DNAJC27: variants seen among roughly 807,000 people sequenced by gnomAD.
The protein encoded by DNAJC27 is DnaJ heat shock protein family (Hsp40) member C27, also known as dnaJ homolog subfamily C member 27.
A neutral mutation model predicts 31.4 loss-of-function variants in DNAJC27; 25 were observed. That is an observed-to-expected ratio of 0.80 (90% CI 0.58 to 1.11). The LOEUF is 1.11. Among genes scored for constraint, DNAJC27 ranks in the 50% most tolerant of loss-of-function variants. The pLI is 0.00. For missense variants in DNAJC27, 356 were observed against 347.3 expected, an observed-to-expected ratio of 1.02 and a Z score of -0.20; for synonymous variants, 106 against 112.7, an observed-to-expected ratio of 0.94 and a Z score of 0.37.
At chr2:24,970,995 A>T (rs1666320508) in intron 1 of DNAJC27, among the ~76,000 whole-genome samples, 1 of 152,212 alleles carries the variant, frequency 6.6e-6, no homozygotes, top group Non-Finnish European at 1.5e-5. Flanking sequence ...AGAGCACCGC[A>T]GTGGGAATGT....
chr2:24,960,393 G>A (rs553541551), intron 3 of DNAJC27, among the ~76,000 whole-genome samples: 182 of 152,250 alleles, frequency 1.2e-3, no homozygotes, highest in Non-Finnish European at 2.1e-3. Context: ...AAACAATATT[G>A]AAAGTAGGCC....
intron 6 of DNAJC27, 53 bp from the exon 7 acceptor site, chr2:24,947,801 G>A (rs1573105980): frequency 6.4e-7 from 1 of 1,569,876 alleles, no homozygotes; most frequent in Non-Finnish European, 8.7e-7. Flanking sequence ...CCAACCCACT[G>A]CATGTTAGCT....
In DNAJC27 at chr2:24,944,775, G is replaced by A. The variant is rs185644756; in HGVS notation, c.*2841C>T. On this transcript the variant is annotated 3_prime_UTR_variant, in exon 7 of 7. Transcript: ENST00000264711. The stretch of plus-strand genomic sequence containing the variant: ...AAAGGAGGCATGAAGGGGAACAGAG[G>A]AACAGAAGGAGGCTGTATTTTAAAG... The A allele has an allele frequency of 6.5e-6, 1 of 152,728 alleles. No homozygotes were observed. The highest frequency in any genetic ancestry group is 1.9e-4 in the East Asian group (1 of 5,190). 9.5% of individuals were successfully genotyped at this position (152,728 alleles called of 1,614,324 possible).
chr2:24,963,543 T>A lies in DNAJC27; in HGVS notation c.171-69A>T. The A allele has an allele frequency of 8.2e-6, 11 of 1,342,526 alleles. No individual in the cohort carries two copies. The South Asian group carries it at 1.3e-4, about 15-fold the overall frequency. 83.2% of individuals were successfully genotyped at this position (1,342,526 alleles called of 1,614,324 possible). On this transcript the variant is annotated intron_variant, in intron 2 of 6. Coordinates refer to ENST00000264711, the MANE Select transcript of DNAJC27 (RefSeq NM_016544.3). Reference sequence around the variant, plus strand: ...TCTCCATTTACCTTAATATCATTTATAAATTTCAAAAGGATATGTGTATGC... The same window carrying A: ...TCTCCATTTACCTTAATATCATTTAAAAATTTCAAAAGGATATGTGTATGC...
chr2:24,959,619 C>T (rs28445639), intron 3 of DNAJC27, among the ~76,000 whole-genome samples: 26,992 of 152,194 alleles, frequency 0.18, 2,594 homozygotes, highest in East Asian at 0.23. Context: ...TAGCTCCTGA[C>T]CTTCAAACTG....
In DNAJC27 at chr2:24,971,838, C is replaced by A. The variant is rs752698800; in HGVS notation, c.67G>T (p.Gly23Cys). Residue 23 changes from glycine (G) to cysteine (C), a missense_variant, in exon 1 of 7, where the codon GGC becomes TGC. Gly to Cys is a radical substitution (Grantham distance 159). Coordinates refer to ENST00000264711, the MANE Select transcript of DNAJC27 (RefSeq NM_016544.3). ...RSLRIKVISM[G>C]NAEVGKSCII... The stretch of plus-strand genomic sequence containing the variant: ...CTCACTTTCCCCACTTCGGCGTTGC[C>A]CATGGAGATGACTTTGATGCGGAGA... The A allele has an allele frequency of 1.2e-6, 2 of 1,609,624 alleles. No individual in the cohort carries two copies. The highest frequency in any genetic ancestry group is 1.7e-6 in the Non-Finnish European group (2 of 1,178,406).
At chr2:24,970,460 C>CTTTTTTTT (rs35742187) in intron 1 of DNAJC27, among the ~76,000 whole-genome samples, 1 of 120,122 alleles carries the variant, frequency 8.3e-6, no homozygotes, top group Non-Finnish European at 1.7e-5. Context: ...AGTAAAATTA[C>CTTTTTTTT]TTTTTTTTTT....
At chr2:24,962,907 C>T (rs1044936353) in intron 3 of DNAJC27, among the ~76,000 whole-genome samples, 2 of 152,044 alleles carry the variant, frequency 1.3e-5, no homozygotes, top group Non-Finnish European at 2.9e-5. Context: ...GAAGGAAAAA[C>T]AAAAGAGAAT....
chr2:24,966,993 C>T (rs1278723780), intron 2 of DNAJC27, among the ~76,000 whole-genome samples: 1 of 152,192 alleles, frequency 6.6e-6, no homozygotes, highest in Non-Finnish European at 1.5e-5. Context: ...TAACACGAGG[C>T]CTGGTGAATG....
chr2:24,951,694 AT>A (rs1286831080), intron 5 of DNAJC27, 140 bp from the exon 6 acceptor site: 8 of 479,192 alleles, frequency 1.7e-5, no homozygotes, highest in East Asian at 7.2e-5. Context: ...ACTTTGGAAG[AT>A]TTTTTTCTTT....
At chr2:24,955,898 G>C (rs1008926637) in intron 5 of DNAJC27, among the ~76,000 whole-genome samples, 2 of 152,194 alleles carry the variant, frequency 1.3e-5, no homozygotes, top group African/African-American at 4.8e-5. Context: ...CATTGTTGCT[G>C]TAAGTCTCCA....
intron 2 of DNAJC27, among the ~76,000 whole-genome samples, chr2:24,964,526 T>C (rs1387514044): frequency 6.6e-6 from 1 of 151,754 alleles, no homozygotes; most frequent in Non-Finnish European, 1.5e-5. Flanking sequence ...GGGAGAGAGA[T>C]GTAGTGAAAT....
Position 24,947,517 on chromosome 2 carries a change from C to A in DNAJC27, c.*99G>T. The A allele has an allele frequency of 2.2e-6, 3 of 1,371,738 alleles. No individual in the cohort carries two copies. The South Asian group carries it at 4.2e-5, about 19-fold the overall frequency. The allele number at this position is 1,371,738 out of a possible 1,614,324, so 85.0% of individuals were successfully genotyped here. On this transcript the variant is annotated 3_prime_UTR_variant, in exon 7 of 7. Transcript: ENST00000264711. Reference sequence around the variant, plus strand: ...AATGACAACACATGAATGAAAAGAGCAGTGAGATTCTGGGAAGGAAAACTC... The same window carrying A: ...AATGACAACACATGAATGAAAAGAGAAGTGAGATTCTGGGAAGGAAAACTC...
chr2:24,946,899 G>A lies in DNAJC27; in HGVS notation c.*717C>T, dbSNP rs1302238807. The A allele has an allele frequency of 1.3e-5, 2 of 152,246 alleles. No homozygotes were observed. The highest frequency in any genetic ancestry group is 4.8e-5 in the African/African-American group (2 of 41,430). The allele number at this position is 152,246 out of a possible 1,614,324, so 9.4% of individuals were successfully genotyped here. A position where few individuals can be genotyped will look rare whatever the true frequency, so the allele number is the denominator to read the frequency against. Reference sequence around the variant, plus strand: ...TACCAGCAACCATTTCTATGGCAAGGGAAAGGCCTCAGATCCAGGGACAGG... The same window carrying A: ...TACCAGCAACCATTTCTATGGCAAGAGAAAGGCCTCAGATCCAGGGACAGG... On this transcript the variant is annotated 3_prime_UTR_variant, in exon 7 of 7. Transcript: ENST00000264711.
At chr2:24,965,505 C>T (rs918809988) in intron 2 of DNAJC27, among the ~76,000 whole-genome samples, 14 of 152,136 alleles carry the variant, frequency 9.2e-5, no homozygotes, top group Non-Finnish European at 1.9e-4. Flanking sequence ...ATCTGCCTGC[C>T]TTGGCCTCCC....
intron 1 of DNAJC27, 122 bp downstream of exon 1, chr2:24,971,696 C>T (rs1478223871): frequency 1.2e-6 from 1 of 817,310 alleles, no homozygotes; most frequent in Non-Finnish European, 1.8e-6. Flanking sequence ...CGGCTGAGAC[C>T]CGGGCCTGCT....
In DNAJC27 at chr2:24,957,915, C is replaced by G. The variant is rs1246652886; in HGVS notation, c.300G>C (p.Gln100His). ...QGVILVYDVG[Q>H]KDSFDALDAW... ...CATCAAGGGCGTCAAAGGAGTCTTT[C>G]TGCCCAACATCATAGACCAGTATCA... is the stretch of plus-strand genomic sequence containing the variant. The change falls in exon 4 of 7, where the codon CAG becomes CAC. Residue 100 changes from glutamine to histidine, a missense_variant. Gln to His is a conservative substitution (Grantham distance 24, BLOSUM62 0). Transcript: ENST00000264711. 1.2e-6 allele frequency: 2 copies of G among 1,614,166 alleles called. No homozygotes were observed.
At position 24,946,871 on chromosome 2, in the gene DNAJC27, T is replaced by A. The variant is rs1354535740; in HGVS notation, c.*745A>T. ...TTCCCAGGTGCACAGTGCTCTCTACTGCTACCAGCAACCATTTCTATGGCA... is the reference window on the plus strand; with the variant it reads ...TTCCCAGGTGCACAGTGCTCTCTACAGCTACCAGCAACCATTTCTATGGCA... On this transcript the variant is annotated 3_prime_UTR_variant, in exon 7 of 7. Transcript: ENST00000264711. The A allele has an allele frequency of 6.6e-6, 1 of 152,200 alleles. No individual in the cohort carries two copies. The highest frequency in any genetic ancestry group is 1.5e-5 in the Non-Finnish European group (1 of 68,072). 9.4% of individuals were successfully genotyped at this position (152,200 alleles called of 1,614,324 possible).
At chr2:24,948,907 T>A in intron 6 of DNAJC27, among the ~76,000 whole-genome samples, 1 of 152,248 alleles carries the variant, frequency 6.6e-6, no homozygotes, top group Non-Finnish European at 1.5e-5. Flanking sequence ...TGCCCTAGCC[T>A]TTCTCCTTTA....
Sources: gnomAD v4.1 joint callset for allele counts (sites outside exome capture counted in the v4.1 genomes callset) on GRCh38, gnomAD v4.1.1 for gene constraint, MANE v1.5 for transcripts, NCBI Gene and HGNC (gene_info 2026-07-23, HGNC 2026-07-21) for gene names.